The following DOCK3 variants were observed in gnomAD, a reference collection of about 807,000 sequenced individuals.
The protein encoded by DOCK3 is dedicator of cytokinesis 3.
Under a neutral mutation model 265.6 loss-of-function variants are expected in DOCK3, and 60 were observed. That is an observed-to-expected ratio of 0.23 (90% confidence interval 0.18 to 0.28). The LOEUF (loss-of-function observed/expected upper bound fraction) is 0.28, where lower values mean the gene tolerates loss of function less well. Ranked by LOEUF, DOCK3 falls within the 10% of genes least tolerant of loss-of-function variation. The probability of loss-of-function intolerance (pLI) is 1.00; values close to 1 mark genes in which losing one functional copy is unlikely to be tolerated. For missense variants in DOCK3, 1,981 were observed against 2,594.3 expected, an observed-to-expected ratio of 0.76 and a Z score of 5.14; for synonymous variants, 881 against 938.0, an observed-to-expected ratio of 0.94 and a Z score of 1.11.
rs1181055200 is a variant in DOCK3, at chr3:51,260,263, C to T, written c.2292C>T (p.Phe764=). ...EQFRSSIQEL[F]QSIRFVLSLD... ...TCAGATCCAGTATCCAAGAACTTTT[C>T]CAGTCCATCCGGTTTGTGCTCAGTC... The change falls in exon 23 of 53, where the codon TTC becomes TTT. Residue 764 remains phenylalanine, a synonymous_variant. Coordinates refer to ENST00000266037, the MANE Select transcript of DOCK3 (RefSeq NM_004947.5). The T allele has an allele frequency of 3.1e-6, 5 of 1,613,802 alleles. No homozygotes were observed. The East Asian group carries it at 1.1e-4, about 36-fold the overall frequency.
chr3:50,934,029 T>C lies in DOCK3; in HGVS notation c.267T>C (p.Val89=). The C allele has an allele frequency of 6.2e-7, 1 of 1,611,238 alleles. No homozygotes were observed. The highest frequency in any genetic ancestry group is 8.5e-7 in the Non-Finnish European group (1 of 1,178,398). ...VPLEDSIVTE[V]TATLQEWASL... is the part of the protein sequence containing the mutation. ...TTGAAGATTCTATTGTGACTGAGGT[T>C]ACAGCAACTCTACAAGAATGGGCAA... Residue 89 remains valine, a synonymous_variant, in exon 5 of 53, where the codon GTT becomes GTC. Transcript: ENST00000266037.
At chr3:51,328,304 T>C (rs1335938464) in intron 32 of DOCK3, among the ~76,000 whole-genome samples, 1 of 152,286 alleles carries the variant, frequency 6.6e-6, no homozygotes, top group East Asian at 1.9e-4. Flanking sequence ...TACCACCATG[T>C]GTGAAGAGAG....
At chr3:51,069,036 T>C (rs1283622659) in intron 6 of DOCK3, among the ~76,000 whole-genome samples, 2 of 152,202 alleles carry the variant, frequency 1.3e-5, no homozygotes, top group Admixed American at 6.5e-5. Flanking sequence ...ATTAAACTTA[T>C]GTGACTTAAA....
intron 4 of DOCK3, among the ~76,000 whole-genome samples, chr3:50,908,239 A>G (rs2049653126): frequency 2.1e-5 from 2 of 94,056 alleles, no homozygotes; most frequent in South Asian, 5.9e-4. Context: ...GTCTGCTCTG[A>G]TCCTGGTTAT....
At chr3:51,016,949 T>TAC (rs1369078343) in intron 5 of DOCK3, among the ~76,000 whole-genome samples, 2 of 36,004 alleles carry the variant, frequency 5.6e-5, no homozygotes, top group African/African-American at 1.5e-4. Context: ...ATGTTATATA[T>TAC]AATATATATA....
At chr3:51,333,352 TGG>T in intron 35 of DOCK3, 99 bp downstream of exon 35, 1 of 1,177,078 alleles carries the variant, frequency 8.5e-7, no homozygotes. Flanking sequence ...GTGCTCTTCA[TGG>T]GGAGGACTGT....
chr3:50,832,095 AAAAC>A, intron 2 of DOCK3, among the ~76,000 whole-genome samples: 1 of 152,328 alleles, frequency 6.6e-6, no homozygotes, highest in Middle Eastern at 3.4e-3. Context: ...AAACCTGACA[AAAAC>A]AAGTAATGGG....
intron 5 of DOCK3, among the ~76,000 whole-genome samples, chr3:51,029,453 A>G (rs1177874959): frequency 6.6e-6 from 1 of 152,164 alleles, no homozygotes; most frequent in African/African-American, 2.4e-5. Flanking sequence ...ATTCTTTTTC[A>G]GTGCACACCC....
intron 40 of DOCK3, among the ~76,000 whole-genome samples, chr3:51,353,314 C>G (rs971973229): frequency 6.6e-6 from 1 of 152,214 alleles, no homozygotes; most frequent in Non-Finnish European, 1.5e-5. Flanking sequence ...TCTGATTCAT[C>G]CAGACACATG....
chr3:51,191,305 G>A (rs1362037007), intron 12 of DOCK3, among the ~76,000 whole-genome samples: 1 of 152,108 alleles, frequency 6.6e-6, no homozygotes, highest in Non-Finnish European at 1.5e-5. Flanking sequence ...ACAAATTTCA[G>A]TTGGGAGCTT....
intron 1 of DOCK3, among the ~76,000 whole-genome samples, chr3:50,763,258 A>C (rs1391438182): frequency 6.6e-6 from 1 of 152,070 alleles, no homozygotes; most frequent in Non-Finnish European, 1.5e-5. Flanking sequence ...ATTAGAGAGC[A>C]ATTCAGATTT....
chr3:51,254,592 C>T (rs1357014723), intron 22 of DOCK3, among the ~76,000 whole-genome samples: 9 of 152,156 alleles, frequency 5.9e-5, no homozygotes, highest in African/African-American at 1.7e-4. Context: ...TAGCTCTTCT[C>T]ATTGAATTGA....
chr3:50,882,217 A>G (rs2048080623), intron 3 of DOCK3, among the ~76,000 whole-genome samples: 1 of 152,172 alleles, frequency 6.6e-6, no homozygotes, highest in Admixed American at 6.5e-5. Context: ...CAAGGACTTC[A>G]TGATTAAAAC....
chr3:50,837,281 C>T (rs2045566993), intron 2 of DOCK3, among the ~76,000 whole-genome samples: 1 of 152,200 alleles, frequency 6.6e-6, no homozygotes, highest in African/African-American at 2.4e-5. Flanking sequence ...AGTCTGTTCT[C>T]ATGCTGCTAT....
At chr3:50,956,981 G>A (rs141494203) in intron 5 of DOCK3, among the ~76,000 whole-genome samples, 2,046 of 152,152 alleles carry the variant, frequency 0.013, 22 homozygotes, top group Non-Finnish European at 0.022. Flanking sequence ...TCATGCCTCC[G>A]CCTTCGCTCC....
At chr3:50,936,998 T>G (rs1046568526) in intron 5 of DOCK3, among the ~76,000 whole-genome samples, 15 of 152,184 alleles carry the variant, frequency 9.9e-5, no homozygotes, top group Non-Finnish European at 2.2e-4. Flanking sequence ...AACTGTTGGC[T>G]GGGTGTGGTG....
intron 9 of DOCK3, among the ~76,000 whole-genome samples, chr3:51,136,299 C>T (rs1175619496): frequency 6.6e-6 from 1 of 151,750 alleles, no homozygotes; most frequent in Non-Finnish European, 1.5e-5. Flanking sequence ...ACGATCTCGG[C>T]TCACTGCAGG....
intron 12 of DOCK3, among the ~76,000 whole-genome samples, chr3:51,178,769 G>T (rs1406828835): frequency 6.6e-6 from 1 of 152,158 alleles, no homozygotes; most frequent in Non-Finnish European, 1.5e-5. Flanking sequence ...GAAATAAAAA[G>T]CAAAGACAAA....
chr3:51,329,084 T>A (rs1428664515), intron 32 of DOCK3, among the ~76,000 whole-genome samples: 1 of 152,134 alleles, frequency 6.6e-6, no homozygotes, highest in Non-Finnish European at 1.5e-5. Flanking sequence ...ACCTGGAAGG[T>A]GGAGGTTGCA....
Sources: gnomAD v4.1 joint callset for allele counts (sites outside exome capture counted in the v4.1 genomes callset) on GRCh38, gnomAD v4.1.1 for gene constraint, MANE v1.5 for transcripts, NCBI Gene and HGNC (gene_info 2026-07-23, HGNC 2026-07-21) for gene names.